KLRD1: variants seen among roughly 807,000 people sequenced by gnomAD.
KLRD1 encodes the protein killer cell lectin like receptor D1.
Under a neutral mutation model 22.6 loss-of-function variants are expected in KLRD1, and 21 were observed. The ratio of observed to expected loss-of-function variants is 0.93; its 90% CI spans 0.66 to 1.34. The LOEUF is 1.34. Ranked by LOEUF, KLRD1 falls within the 40% of genes most tolerant of loss-of-function variation. The pLI is 0.00. For synonymous variants in KLRD1, 59 were observed against 71.1 expected (o/e 0.83, Z 0.85); for missense variants, 183 against 208.6 (o/e 0.88, Z 0.76).
intron 1 of KLRD1, among the ~76,000 whole-genome samples, chr12:10,241,336 G>T (rs1949239412): frequency 2.6e-5 from 4 of 152,084 alleles, no homozygotes; most frequent in East Asian, 1.9e-4. Context: ...TCTAATTAAT[G>T]AATAAACTCA....
At chr12:10,278,254 A>G (rs2537792) in intron 1 of KLRD1, among the ~76,000 whole-genome samples, 1,719 of 152,290 alleles carry the variant, frequency 0.011, 40 homozygotes, top group African/African-American at 0.039. Flanking sequence ...TAGTATTACT[A>G]TTCCAGTCTT....
intron 1 of KLRD1, among the ~76,000 whole-genome samples, chr12:10,296,856 A>T (rs1248062399): frequency 1.1e-4 from 16 of 152,328 alleles, no homozygotes. Flanking sequence ...CCAGGGGTTT[A>T]TAAATTCTCT....
intron 1 of KLRD1, among the ~76,000 whole-genome samples, chr12:10,290,751 G>A (rs746303448): frequency 2.6e-5 from 4 of 152,086 alleles, no homozygotes; most frequent in Non-Finnish European, 4.4e-5. Flanking sequence ...TTGGTGGCAA[G>A]TATTTTCTGG....
intron 1 of KLRD1, among the ~76,000 whole-genome samples, chr12:10,277,125 T>G (rs1346116086): frequency 1.3e-5 from 2 of 150,478 alleles, no homozygotes; most frequent in African/African-American, 4.9e-5. Flanking sequence ...TTTTTTTTTT[T>G]TTTTTTTTTT....
At chr12:10,312,592 A>C (rs112859212) in intron 4 of KLRD1, among the ~76,000 whole-genome samples, 1 of 140,190 alleles carries the variant, frequency 7.1e-6, no homozygotes, top group African/African-American at 2.6e-5. Context: ...GTTAGCCAGG[A>C]TGGTCTCGAT....
intron 1 of KLRD1, among the ~76,000 whole-genome samples, chr12:10,279,435 GA>G (rs1949621035): frequency 6.6e-6 from 1 of 152,096 alleles, no homozygotes; most frequent in African/African-American, 2.4e-5. Flanking sequence ...ATAAATGCCT[GA>G]ATGTGTTTTC....
rs2137754227 is a variant in KLRD1, at chr12:10,324,942, C to T, written c.*10149C>T. The T allele has an allele frequency of 6.6e-6, 1 of 150,556 alleles. No individual in the cohort carries two copies. Among genetic ancestry groups the T allele is most frequent in the South Asian group, 2.1e-4 (1 of 4,766 alleles). 9.3% of individuals were successfully genotyped at this position (150,556 alleles called of 1,614,324 possible). On this transcript the variant is annotated 3_prime_UTR_variant, in exon 6 of 6. Coordinates refer to ENST00000336164, the MANE Select transcript of KLRD1 (RefSeq NM_002262.5). ...TCTGTAGATTTCATTGGGTTATCTG[C>T]ATAGATGAATAAAGACAGTTTTTAC...
chr12:10,311,377 C>T, intron 3 of KLRD1, 87 bp from the exon 4 acceptor site: 1 of 1,294,268 alleles, frequency 7.7e-7, no homozygotes, highest in Non-Finnish European at 1.1e-6. Context: ...AAAGAATACA[C>T]AGCAAATAAT....
rs546445828 is a variant in KLRD1 at position 10,252,164 on chromosome 12, T to C, written c.-101+25931T>C. On this transcript the variant is annotated intron_variant, in intron 1 of 5. Coordinates refer to the KLRD1 transcript ENST00000544747. Reference sequence around the variant, plus strand: ...CATTGAAAAGACACTAGGCCAGGTATGGTGGTTTACACCTATAATCCCAGC... The same window carrying C: ...CATTGAAAAGACACTAGGCCAGGTACGGTGGTTTACACCTATAATCCCAGC... Among the ~76,000 whole-genome samples the C allele has an allele frequency of 2.6e-4, 39 of 152,312 alleles. 1 individual carries two copies. Among genetic ancestry groups the C allele is most frequent in the African/African-American group, 9.1e-4 (38 of 41,558 alleles).
chr12:10,254,003 C>T (rs1949368705), intron 1 of KLRD1, among the ~76,000 whole-genome samples: 1 of 152,098 alleles, frequency 6.6e-6, no homozygotes, highest in Non-Finnish European at 1.5e-5. Flanking sequence ...ACAACCTAGG[C>T]AATACCATCT....
At position 10,320,145 on chromosome 12, in the gene KLRD1, G is replaced by A. The variant is rs1950298484; in HGVS notation, c.*5352G>A. On this transcript the variant is annotated 3_prime_UTR_variant, in exon 6 of 6. Coordinates refer to ENST00000336164, the MANE Select transcript of KLRD1 (RefSeq NM_002262.5). ...ACCCTCCCAAAGTGCTGGGATTACAGGCGTGAGCCACTGCGCCCAGACATA... is the reference window on the plus strand; with the variant it reads ...ACCCTCCCAAAGTGCTGGGATTACAAGCGTGAGCCACTGCGCCCAGACATA... The A allele has an allele frequency of 6.6e-6, 1 of 152,006 alleles. No homozygotes were observed. Among genetic ancestry groups the A allele is most frequent in the Admixed American group, 6.5e-5 (1 of 15,276 alleles). The allele number at this position is 152,006 out of a possible 1,614,324, so 9.4% of individuals were successfully genotyped here.
chr12:10,306,018 A>C (rs1949919200), upstream of KLRD1, among the ~76,000 whole-genome samples: 1 of 151,916 alleles, frequency 6.6e-6, no homozygotes, highest in Non-Finnish European at 1.5e-5. Flanking sequence ...AAATACAAAA[A>C]ATTAGCTGGG....
rs1950362315 is a variant in KLRD1, at chr12:10,326,407, A to G, written c.*11614A>G. 6.6e-6 allele frequency: 1 copy of G among 152,214 alleles called. No homozygotes were observed. The highest frequency in any genetic ancestry group is 1.5e-5 in the Non-Finnish European group (1 of 68,056). 9.4% of individuals were successfully genotyped at this position (152,214 alleles called of 1,614,324 possible). A position where few individuals can be genotyped will look rare whatever the true frequency, so the allele number is the denominator to read the frequency against. On this transcript the variant is annotated 3_prime_UTR_variant, in exon 6 of 6. Transcript: ENST00000336164. ...CAGGAGGTCCTGCTGACATGTGCCC[A>G]AGGTGGTCAGGGCACAGTTTGGTTT...
chr12:10,258,001 G>A (rs1201697774), intron 1 of KLRD1, among the ~76,000 whole-genome samples: 2 of 152,092 alleles, frequency 1.3e-5, no homozygotes, highest in Non-Finnish European at 2.9e-5. Context: ...TCCCATACAT[G>A]TGGCTACTTT....
intron 1 of KLRD1, among the ~76,000 whole-genome samples, chr12:10,296,042 C>G (rs780411841): frequency 1.2e-4 from 18 of 151,908 alleles, no homozygotes; most frequent in Non-Finnish European, 2.2e-4. Flanking sequence ...TTTCCTATTT[C>G]TCATATAACA....
intron 1 of KLRD1, among the ~76,000 whole-genome samples, chr12:10,271,507 G>A (rs958206523): frequency 1.3e-5 from 2 of 152,026 alleles, no homozygotes; most frequent in African/African-American, 2.4e-5. Flanking sequence ...ATTTGTTTTC[G>A]TGATTAGTTC....
intron 1 of KLRD1, among the ~76,000 whole-genome samples, chr12:10,279,819 TC>T (rs915117344): frequency 2.0e-5 from 3 of 152,172 alleles, no homozygotes; most frequent in African/African-American, 7.2e-5. Flanking sequence ...CAACAAAAAA[TC>T]CTTTTATGAT....
chr12:10,252,676 T>C (rs1478118529), intron 1 of KLRD1, among the ~76,000 whole-genome samples: 1 of 152,148 alleles, frequency 6.6e-6, no homozygotes, highest in Non-Finnish European at 1.5e-5. Flanking sequence ...GTAGATTCCA[T>C]GAGAGGATGT....
At chr12:10,306,672 T>G (rs370359935), upstream of KLRD1, among the ~76,000 whole-genome samples, 1 of 152,210 alleles carries the variant, frequency 6.6e-6, no homozygotes, top group African/African-American at 2.4e-5. Flanking sequence ...GATTTTTAAA[T>G]AAATCACTTC....
Sources: allele counts gnomAD v4.1 joint callset (sites outside exome capture counted in the v4.1 genomes callset), GRCh38; gene constraint gnomAD v4.1.1; transcripts MANE v1.5; gene names NCBI Gene and HGNC (gene_info 2026-07-23, HGNC 2026-07-21).